The following SLC8B1 variants were observed in gnomAD, a reference collection of about 807,000 sequenced individuals.
SLC8B1 encodes the protein solute carrier family 8 member B1, also known as mitochondrial sodium/calcium exchanger protein.
Under a neutral mutation model 63.4 loss-of-function variants are expected in SLC8B1, and 52 were observed. The observed-to-expected ratio is 0.82, with a 90% CI of 0.66 to 1.03. The LOEUF is 1.03. Ranked by LOEUF, SLC8B1 falls within the 50% of genes least tolerant of loss-of-function variation. The pLI, the probability that SLC8B1 is intolerant of heterozygous loss-of-function variation, is 0.00. For missense variants in SLC8B1, 657 were observed against 741.7 expected (o/e 0.89, Z 1.33); for synonymous variants, 336 against 323.9 (o/e 1.04, Z -0.40).
In SLC8B1 at chr12:113,312,011, A is replaced by AGG. The variant is rs530113982; in HGVS notation, c.1136-1658_1136-1657dup. Among the ~76,000 whole-genome samples, 367 of 152,098 alleles carry AGG rather than the reference A, an allele frequency of 2.4e-3. 3 individuals are homozygous for AGG. The highest frequency in any genetic ancestry group is 1.9e-3 in the East Asian group (10 of 5,168). ...AGGTGGCTGGGGCGTGAAGACACTG[A>AGG]GGATCTGAGCTGAGTGTTAAGCAGA... On this transcript the variant is annotated intron_variant, in intron 11 of 15. Coordinates refer to ENST00000680972, the MANE Select transcript of SLC8B1 (RefSeq NM_001358345.2).
intron 2 of SLC8B1, among the ~76,000 whole-genome samples, chr12:113,326,210 C>G (rs1956995781): frequency 6.6e-6 from 1 of 152,182 alleles, no homozygotes; most frequent in Non-Finnish European, 1.5e-5. Context: ...TAAATATTTA[C>G]TGGGGCACAG....
chr12:113,320,565 C>A lies in SLC8B1; in HGVS notation c.526+16G>T. ...CCTGCTGCTTTCCCCGCCCCCCTCA[C>A]TGGGGCTGCTCTCACCAAACAGTGC... On this transcript the variant is annotated intron_variant, in intron 6 of 15. Transcript: ENST00000680972. This position sits in a 1 kb window ranked among gnomAD's most constrained non-coding sequence, Gnocchi z 5.3. 6.2e-7 allele frequency: 1 copy of A among 1,613,972 alleles called. No individual in the cohort carries two copies. The highest frequency in any genetic ancestry group is 8.5e-7 in the Non-Finnish European group (1 of 1,179,926).
In SLC8B1 at chr12:113,316,639, G is replaced by C. The variant is rs189446912; in HGVS notation, c.880C>G (p.Leu294Val). The C allele has an allele frequency of 8.6e-5, 138 of 1,613,796 alleles. No homozygotes were observed. The East Asian group carries it at 2.1e-3, about 25-fold the overall frequency. ...SYDYGDEYRP[L>V]FFYQETTAQI... ...GCCGTGGTCTCCTGGTAGAAGAACA[G>C]CGGCCGGTACTCATCACCTGTGTGC... The change falls in exon 10 of 16, where the codon CTG becomes GTG. Residue 294 changes from leucine to valine, a missense_variant. By Grantham distance (32) the Leu-to-Val change is conservative. Transcript: ENST00000680972.
At chr12:113,306,430 T>G in intron 14 of SLC8B1, 65 bp downstream of exon 14, 3 of 1,369,900 alleles carry the variant, frequency 2.2e-6, no homozygotes, top group South Asian at 1.5e-5. Context: ...GGGTGGGGCA[T>G]GGAGCACACC....
At chr12:113,307,903 A>G in intron 12 of SLC8B1, 59 bp from the exon 13 acceptor site, 1 of 1,580,768 alleles carries the variant, frequency 6.3e-7, no homozygotes, top group Non-Finnish European at 8.6e-7. Flanking sequence ...ACACAGCCTC[A>G]GTTCCTCACC....
chr12:113,307,651 C>G (rs756663752), intron 13 of SLC8B1, 40 bp downstream of exon 13: 1 of 1,595,788 alleles, frequency 6.3e-7, no homozygotes, highest in Non-Finnish European at 8.5e-7. Context: ...AAGATGTGGC[C>G]GCACTCACCC....
intron 2 of SLC8B1, among the ~76,000 whole-genome samples, chr12:113,321,692 T>C (rs1032634755): frequency 3.3e-5 from 5 of 152,028 alleles, no homozygotes; most frequent in Admixed American, 6.6e-5. Context: ...TCAATTATAT[T>C]TGTATATATA....
chr12:113,320,988 C>T lies in SLC8B1; in HGVS notation c.362+68G>A, dbSNP rs758331871. 28 of 1,590,664 alleles carry T rather than the reference C, an allele frequency of 1.8e-5. No homozygotes were observed. Among genetic ancestry groups the T allele is most frequent in the Admixed American group, 1.5e-4 (8 of 54,318 alleles). On this transcript the variant is annotated intron_variant, in intron 4 of 15. Coordinates refer to ENST00000680972, the MANE Select transcript of SLC8B1 (RefSeq NM_001358345.2). This position sits in a 1 kb window ranked among gnomAD's most constrained non-coding sequence, Gnocchi z 5.3. ...ATCCTTCCCCCAAACTGAGGGTGAC[C>T]GAATGTCAGCCTCCTGGGACCCCTC...
At chr12:113,324,461 C>A (rs1421612550) in intron 2 of SLC8B1, among the ~76,000 whole-genome samples, 1 of 131,502 alleles carries the variant, frequency 7.6e-6, no homozygotes, top group African/African-American at 2.9e-5. Flanking sequence ...GGCTGGAGTA[C>A]AATAGCACAA....
chr12:113,331,046 C>T (rs1026304834), intron 2 of SLC8B1, among the ~76,000 whole-genome samples: 2 of 152,062 alleles, frequency 1.3e-5, no homozygotes, highest in Non-Finnish European at 2.9e-5. Context: ...ACTCCAGCGT[C>T]GTCATTGGTC....
At chr12:113,310,608 A>ACAC (rs1421818413) in intron 11 of SLC8B1, among the ~76,000 whole-genome samples, 1 of 152,098 alleles carries the variant, frequency 6.6e-6, no homozygotes, top group African/African-American at 2.4e-5. Context: ...ATAACCACTA[A>ACAC]CACCACCACC....
chr12:113,319,421 G>A (rs1405243080), intron 7 of SLC8B1: 4 of 231,022 alleles, frequency 1.7e-5, no homozygotes, highest in Non-Finnish European at 3.5e-5. Context: ...AGGCCAGACA[G>A]GAAATCAGAA....
At position 113,307,110 on chromosome 12, in the gene SLC8B1, C is replaced by CA. The variant is rs67032040; in HGVS notation, c.1412-536dup. On this transcript the variant is annotated intron_variant, in intron 13 of 15. Transcript: ENST00000680972. ...TGGGCGACAGAGCAAGCCTCCATCTCAAAAAAAAAAAAAAAAAAAAAAAAA... is the reference window on the plus strand; with the variant it reads ...TGGGCGACAGAGCAAGCCTCCATCTCAAAAAAAAAAAAAAAAAAAAAAAAAA... 5.9e-3 allele frequency among the ~76,000 whole-genome samples: 108 copies of CA among 18,208 alleles called. 41 individuals are homozygous for CA. Among genetic ancestry groups the CA allele is most frequent in the East Asian group, 0.027 (10 of 364 alleles). 11.9% of individuals were successfully genotyped at this position (18,208 alleles called of 152,430 possible).
At position 113,322,180 on chromosome 12, in the gene SLC8B1, C is replaced by CA. The variant is rs377463168; in HGVS notation, c.157-833dup. Among the ~76,000 whole-genome samples, 407 of 142,940 alleles carry CA rather than the reference C, an allele frequency of 2.8e-3. 1 individual carries two copies. The highest frequency in any genetic ancestry group is 0.022 in the South Asian group (102 of 4,558). 93.8% of individuals were successfully genotyped at this position (142,940 alleles called of 152,430 possible). ...TGGGGAATAGAATGAGATCTTGTCT[C>CA]AAAAAAAAAAAATATGTATCTCAAT... On this transcript the variant is annotated intron_variant, in intron 2 of 15. Coordinates refer to ENST00000680972, the MANE Select transcript of SLC8B1 (RefSeq NM_001358345.2).
intron 15 of SLC8B1, among the ~76,000 whole-genome samples, chr12:113,302,910 A>G (rs1356057741): frequency 6.6e-6 from 1 of 152,156 alleles, no homozygotes; most frequent in Non-Finnish European, 1.5e-5. Context: ...GTGGTTTTCA[A>G]CCAACGGTAC....
intron 2 of SLC8B1, among the ~76,000 whole-genome samples, chr12:113,325,650 C>T (rs527610903): frequency 3.0e-4 from 46 of 151,774 alleles, no homozygotes; most frequent in Middle Eastern, 3.4e-3. Flanking sequence ...CGGCAAGTTC[C>T]GCCTCCCAGG....
Position 113,333,526 on chromosome 12 carries a change from G to T in SLC8B1, c.-82-566C>A, listed in dbSNP as rs369863546. On this transcript the variant is annotated intron_variant, in intron 1 of 15. Transcript: ENST00000680972. ...CTATCCTCACGACATGCCGAGCGGG[G>T]GTAGCACTAGCATTCCATTTTACAG... is the stretch of plus-strand genomic sequence containing the variant. Among the ~76,000 whole-genome samples, 203 of 152,164 alleles carry T rather than the reference G, an allele frequency of 1.3e-3. 1 individual carries two copies. Among genetic ancestry groups the T allele is most frequent in the African/African-American group, 4.7e-3 (196 of 41,508 alleles).
chr12:113,315,607 T>TA, intron 10 of SLC8B1, 131 bp from the exon 11 acceptor site: 1 of 1,150,956 alleles, frequency 8.7e-7, no homozygotes, highest in Non-Finnish European at 1.2e-6. Flanking sequence ...GGTTCCAGGC[T>TA]AAGTGCCTGG....
chr12:113,306,230 C>T (rs1956673194), intron 14 of SLC8B1, among the ~76,000 whole-genome samples: 1 of 152,130 alleles, frequency 6.6e-6, no homozygotes, highest in African/African-American at 2.4e-5. Flanking sequence ...ACACCACTCA[C>T]TGTCCTAACA....
Sources: gnomAD v4.1 joint callset for allele counts (sites outside exome capture counted in the v4.1 genomes callset) on GRCh38, gnomAD v4.1.1 for gene constraint, Gnocchi (gnomAD v3.1) non-coding constraint, MANE v1.5 for transcripts, NCBI Gene and HGNC (gene_info 2026-07-23, HGNC 2026-07-21) for gene names.